Variants in SGCZ observed in about 807,000 individuals in gnomAD.
SGCZ encodes zeta-sarcoglycan.
SGCZ carries 40 observed loss-of-function variants against 41.3 expected under a neutral mutation model. The observed-to-expected ratio is 0.97, with a 90% CI of 0.75 to 1.26. The LOEUF (loss-of-function observed/expected upper bound fraction) is 1.26, where lower values mean the gene tolerates loss of function less well. SGCZ is among the 50% of genes most tolerant of loss of function. The probability of loss-of-function intolerance (pLI) is 0.00; values close to 1 mark genes in which losing one functional copy is unlikely to be tolerated. For missense variants in SGCZ, 552 were observed against 369.8 expected, an observed-to-expected ratio of 1.49 and a Z score of -4.04; for synonymous variants, 206 against 137.5, an observed-to-expected ratio of 1.50 and a Z score of -3.49.
intron 1 of SGCZ, among the ~76,000 whole-genome samples, chr8:14,943,557 A>G (rs1365483162): frequency 9.2e-5 from 14 of 152,094 alleles, no homozygotes; most frequent in Non-Finnish European, 1.9e-4. Context: ...AAAGCAATGC[A>G]TTGCCTGTTT....
chr8:15,177,862 G>C (rs1274555861), intron 1 of SGCZ, among the ~76,000 whole-genome samples: 2 of 152,102 alleles, frequency 1.3e-5, no homozygotes, highest in Non-Finnish European at 2.9e-5. Context: ...TAGACACTTG[G>C]GGAAGCTATG....
At chr8:14,355,374 G>T (rs1193234351) in intron 2 of SGCZ, among the ~76,000 whole-genome samples, 1 of 152,000 alleles carries the variant, frequency 6.6e-6, no homozygotes, top group East Asian at 1.9e-4. Context: ...TAGCTAGATT[G>T]ATTTATCTCC....
chr8:14,927,915 G>A (rs1799806208), intron 1 of SGCZ, among the ~76,000 whole-genome samples: 1 of 152,206 alleles, frequency 6.6e-6, no homozygotes, highest in African/African-American at 2.4e-5. Context: ...AACTTCATTA[G>A]TACCATATTT....
At position 14,881,493 on chromosome 8, in the gene SGCZ, G is replaced by A. The variant is rs182625800; in HGVS notation, c.40-326567C>T. Among the ~76,000 whole-genome samples the A allele has an allele frequency of 4.0e-3, 611 of 152,128 alleles. 4 individuals are homozygous for A. The highest frequency in any genetic ancestry group is 0.018 in the South Asian group (86 of 4,818). ...TGAAAAGATGCAGATTGCAGCAGAG[G>A]GACAGGGACAGCAATGATTCAGGCC... On this transcript the variant is annotated intron_variant, in intron 1 of 7. Transcript: ENST00000382080.
chr8:14,594,043 C>T (rs1480354612), intron 1 of SGCZ, among the ~76,000 whole-genome samples: 1 of 151,878 alleles, frequency 6.6e-6, no homozygotes, highest in East Asian at 1.9e-4. Flanking sequence ...GGCGTGGTGG[C>T]ACACGCCTGT....
chr8:14,270,629 T>C (rs1563225274), intron 3 of SGCZ, among the ~76,000 whole-genome samples: 1 of 152,150 alleles, frequency 6.6e-6, no homozygotes, highest in Non-Finnish European at 1.5e-5. Context: ...GCCTATACCT[T>C]TCTTCCTTAA....
intron 1 of SGCZ, among the ~76,000 whole-genome samples, chr8:15,014,467 C>G (rs1802951208): frequency 6.6e-6 from 1 of 152,286 alleles, no homozygotes; most frequent in Non-Finnish European, 1.5e-5. Context: ...TCCCTAAGCA[C>G]CTAACAAAGA....
chr8:14,176,999 C>A (rs987565946), intron 4 of SGCZ, among the ~76,000 whole-genome samples: 15 of 152,038 alleles, frequency 9.9e-5, no homozygotes, highest in Admixed American at 2.0e-4. Flanking sequence ...ACTTTGGGAG[C>A]AGGACACGTT....
intron 1 of SGCZ, among the ~76,000 whole-genome samples, chr8:15,004,905 C>G (rs10888095): frequency 6.6e-6 from 1 of 151,870 alleles, no homozygotes; most frequent in African/African-American, 2.4e-5. Flanking sequence ...CAGATTCTCA[C>G]CACTGCCACA....
chr8:15,087,912 C>T (rs927974651), intron 1 of SGCZ, among the ~76,000 whole-genome samples: 9 of 151,952 alleles, frequency 5.9e-5, no homozygotes, highest in Admixed American at 1.3e-4. Flanking sequence ...TGTAAATTAA[C>T]GTGAGGCTTT....
At chr8:14,974,646 G>A (rs554049358) in intron 1 of SGCZ, among the ~76,000 whole-genome samples, 3 of 152,072 alleles carry the variant, frequency 2.0e-5, no homozygotes, top group African/African-American at 7.2e-5. Context: ...ATGTTCCAAG[G>A]TGTAAACAAA....
chr8:14,233,603 T>TATAC, intron 4 of SGCZ, among the ~76,000 whole-genome samples: 1 of 135,518 alleles, frequency 7.4e-6, no homozygotes, highest in South Asian at 2.2e-4. Context: ...TATAGATATA[T>TATAC]ATATATATTC....
chr8:14,778,875 T>A (rs1417474018), intron 1 of SGCZ, among the ~76,000 whole-genome samples: 6 of 152,168 alleles, frequency 3.9e-5, no homozygotes, highest in Non-Finnish European at 4.4e-5. Flanking sequence ...ATTCCTGGAG[T>A]GTAAAGTTAT....
intron 2 of SGCZ, among the ~76,000 whole-genome samples, chr8:14,325,210 A>C (rs968890501): frequency 1.3e-5 from 2 of 152,136 alleles, no homozygotes; most frequent in African/African-American, 4.8e-5. Flanking sequence ...TAACTGATAC[A>C]GTATTACTAA....
At chr8:14,655,667 T>C (rs1028238057) in intron 1 of SGCZ, among the ~76,000 whole-genome samples, 1 of 152,126 alleles carries the variant, frequency 6.6e-6, no homozygotes, top group African/African-American at 2.4e-5. Context: ...AAAACTATTA[T>C]GCAATAAAAC....
chr8:15,236,318 A>C (rs1802117383), intron 1 of SGCZ, among the ~76,000 whole-genome samples: 1 of 152,156 alleles, frequency 6.6e-6, no homozygotes, highest in Non-Finnish European at 1.5e-5. Flanking sequence ...AGGGCACAGG[A>C]CAGGCTGCAG....
intron 4 of SGCZ, among the ~76,000 whole-genome samples, chr8:14,214,697 A>T (rs1057171003): frequency 3.9e-5 from 6 of 151,934 alleles, no homozygotes; most frequent in African/African-American, 1.4e-4. Flanking sequence ...GCTAACAGTA[A>T]TTTTTTTAAA....
chr8:15,051,236 A>G (rs1016709531), intron 1 of SGCZ, among the ~76,000 whole-genome samples: 1 of 152,198 alleles, frequency 6.6e-6, no homozygotes, highest in Admixed American at 6.5e-5. Flanking sequence ...AGGGGTAAAA[A>G]TGGGGAAAGG....
chr8:15,026,108 CA>C (rs1803447513), intron 1 of SGCZ, among the ~76,000 whole-genome samples: 1 of 150,744 alleles, frequency 6.6e-6, no homozygotes, highest in Non-Finnish European at 1.5e-5. Flanking sequence ...CATAGTATTC[CA>C]ATAAGGTTTG....
Sources: gnomAD v4.1 joint callset for allele counts (sites outside exome capture counted in the v4.1 genomes callset) on GRCh38, gnomAD v4.1.1 for gene constraint, MANE v1.5 for transcripts, NCBI Gene and HGNC (gene_info 2026-07-23, HGNC 2026-07-21) for gene names.